The following ALDH9A1 variants were observed in gnomAD, a reference collection of about 807,000 sequenced individuals.
ALDH9A1 encodes aldehyde dehydrogenase 9 family member A1, also known as 4-trimethylaminobutyraldehyde dehydrogenase.
In ALDH9A1, 42 loss-of-function variants were observed where a neutral mutation model predicts 56.6. The ratio of observed to expected loss-of-function variants is 0.74; its 90% CI spans 0.58 to 0.96. The LOEUF (loss-of-function observed/expected upper bound fraction) is 0.96, where lower values mean the gene tolerates loss of function less well. ALDH9A1 is among the 40% of genes least tolerant of loss of function. ALDH9A1 has a pLI of 0.00. For missense variants in ALDH9A1, 661 were observed against 651.5 expected (o/e 1.01, Z -0.16); for synonymous variants, 242 against 236.0 (o/e 1.03, Z -0.23).
intron 2 of ALDH9A1, among the ~76,000 whole-genome samples, chr1:165,685,443 C>T (rs1262825691): frequency 6.6e-6 from 1 of 152,180 alleles, no homozygotes; most frequent in East Asian, 1.9e-4. Context: ...TCTCAAGATG[C>T]TTTTGCTAAT....
At chr1:165,692,560 A>G (rs1649927634) in intron 2 of ALDH9A1, among the ~76,000 whole-genome samples, 1 of 152,226 alleles carries the variant, frequency 6.6e-6, no homozygotes, top group Non-Finnish European at 1.5e-5. Context: ...CAATGAAATA[A>G]AAGAGGACAC....
At chr1:165,682,931 G>A (rs1474757979) in intron 3 of ALDH9A1, 50 bp downstream of exon 3, 1 of 1,593,486 alleles carries the variant, frequency 6.3e-7, no homozygotes, top group Non-Finnish European at 8.6e-7. Flanking sequence ...ACTAGGCCCT[G>A]CTCTTCTGCC....
intron 2 of ALDH9A1, among the ~76,000 whole-genome samples, chr1:165,688,881 A>G (rs1487035926): frequency 6.6e-6 from 1 of 152,232 alleles, no homozygotes; most frequent in Non-Finnish European, 1.5e-5. Context: ...TGATTAATAA[A>G]CACTTAATAA....
chr1:165,676,112 A>T (rs1474399304), intron 6 of ALDH9A1, among the ~76,000 whole-genome samples: 2 of 152,194 alleles, frequency 1.3e-5, no homozygotes, highest in East Asian at 3.8e-4. Context: ...AGACAGACAG[A>T]TACAGAACTA....
intron 2 of ALDH9A1, among the ~76,000 whole-genome samples, chr1:165,683,786 A>G (rs1169278792): frequency 6.6e-6 from 1 of 152,200 alleles, no homozygotes; most frequent in African/African-American, 2.4e-5. Context: ...AAGAAATTCA[A>G]TAGATGGTCC....
Position 165,698,373 on chromosome 1 carries a change from G to A in ALDH9A1, c.181+5C>T. 1.3e-6 allele frequency: 2 copies of A among 1,589,752 alleles called. No individual in the cohort carries two copies. The highest frequency in any genetic ancestry group is 1.4e-5 in the African/African-American group (1 of 73,036). On this transcript the variant is annotated splice_donor_5th_base_variant and intron_variant, in intron 1 of 10. Coordinates refer to ENST00000354775, the MANE Select transcript of ALDH9A1 (RefSeq NM_000696.4). The stretch of plus-strand genomic sequence containing the variant: ...GCCCCAGCCTCCCCGGCTCGTTGCA[G>A]TTACCGGTTGCTGGCTCGAAAGCTT...
At chr1:165,676,665 G>GA (rs796858159) in intron 6 of ALDH9A1, 45 of 392,942 alleles carry the variant, frequency 1.1e-4, no homozygotes, top group African/African-American at 8.7e-4. Flanking sequence ...AAGCCAAAGA[G>GA]AAAGGTACCT....
rs1649038755 is a variant in ALDH9A1, at chr1:165,667,346, C to G, written c.1312G>C (p.Asp438His). Residue 438 changes from aspartate (D) to histidine (H), a missense_variant, in exon 9 of 11, where the codon GAT becomes CAT. Transcript: ENST00000354775. ...TEAEVLERAN[D>H]TTFGLAAGVF... ...CCAGCTGCTAGTCCAAAAGTGGTAT[C>G]ATTGGCTCTTTCTAGAACCTCAGCT... 6.2e-7 allele frequency: 1 copy of G among 1,614,028 alleles called. No homozygotes were observed.
intron 5 of ALDH9A1, among the ~76,000 whole-genome samples, chr1:165,679,813 C>A (rs1346113453): frequency 6.6e-6 from 1 of 152,024 alleles, no homozygotes; most frequent in Non-Finnish European, 1.5e-5. Context: ...AAAATATTGT[C>A]CCAGCCTGGG....
At chr1:165,682,004 T>G (rs1414811727) in intron 4 of ALDH9A1, 103 bp downstream of exon 4, 1 of 1,476,086 alleles carries the variant, frequency 6.8e-7, no homozygotes, top group East Asian at 2.3e-5. Flanking sequence ...CCCCTTCCGA[T>G]TTAAAGTGTG....
chr1:165,674,617 C>T (rs1649289855), intron 6 of ALDH9A1, among the ~76,000 whole-genome samples: 1 of 142,272 alleles, frequency 7.0e-6, no homozygotes, highest in South Asian at 2.2e-4. Context: ...ACCCAGGAGG[C>T]GGAAGTTGCA....
intron 10 of ALDH9A1, 72 bp downstream of exon 10, chr1:165,664,946 C>G: frequency 8.3e-7 from 1 of 1,202,924 alleles, no homozygotes; most frequent in Non-Finnish European, 1.2e-6. Context: ...TTTAGGAATA[C>G]TGGTTTATAA....
chr1:165,669,231 C>T (rs769315843), intron 7 of ALDH9A1, 31 bp downstream of exon 7: 2 of 1,568,084 alleles, frequency 1.3e-6, no homozygotes, highest in South Asian at 2.4e-5. Flanking sequence ...TAATCTTCCC[C>T]AACCCCACCC....
At chr1:165,677,695 A>G (rs1558006476) in intron 6 of ALDH9A1, among the ~76,000 whole-genome samples, 1 of 151,978 alleles carries the variant, frequency 6.6e-6, no homozygotes, top group Non-Finnish European at 1.5e-5. Flanking sequence ...CATCTCTACT[A>G]AAAACACAAA....
Position 165,670,330 on chromosome 1 carries a change from G to A in ALDH9A1, c.931-880C>T, listed in dbSNP as rs755874753. 8.4e-4 allele frequency among the ~76,000 whole-genome samples: 128 copies of A among 152,084 alleles called. 1 individual carries two copies. Among genetic ancestry groups the A allele is most frequent in the Non-Finnish European group, 1.6e-3 (106 of 68,028 alleles). On this transcript the variant is annotated intron_variant, in intron 6 of 10. Transcript: ENST00000354775. The stretch of plus-strand genomic sequence containing the variant: ...CACCTGTAGTCCCAGCTACTTGGGA[G>A]GCTAAGGTGGGAGGGTCACTTGAGC...
chr1:165,671,631 A>T (rs1157592097), intron 6 of ALDH9A1: 2 of 483,516 alleles, frequency 4.1e-6, no homozygotes, highest in African/African-American at 4.0e-5. Flanking sequence ...ATTCTGATAG[A>T]GAGCCGGATT....
chr1:165,676,006 C>T (rs1649344395), intron 6 of ALDH9A1, among the ~76,000 whole-genome samples: 2 of 152,110 alleles, frequency 1.3e-5, no homozygotes, highest in South Asian at 4.1e-4. Context: ...TTCTTACTGT[C>T]AGAGAACAAA....
chr1:165,672,848 T>C (rs1038384151), intron 6 of ALDH9A1, among the ~76,000 whole-genome samples: 1 of 151,760 alleles, frequency 6.6e-6, no homozygotes, highest in Admixed American at 6.6e-5. Flanking sequence ...GAAGTGGGAA[T>C]ATCACTTGAG....
At position 165,665,121 on chromosome 1, in the gene ALDH9A1, T is replaced by C. The variant is rs368115741; in HGVS notation, c.1359A>G (p.Gln453=). The C allele has an allele frequency of 1.9e-4, 306 of 1,613,664 alleles. 1 individual carries two copies. Among genetic ancestry groups the C allele is most frequent in the East Asian group, 9.1e-4 (41 of 44,878 alleles). ...LAAGVFTRDI[Q]RAHRVVAELQ... ...GCTCAGCTACCACTCTATGAGCCCG[T>C]TGGATGTCCCTATGAAGAAAAAAAA... The change falls in exon 10 of 11, where the codon CAA becomes CAG. Residue 453 remains glutamine (Q), a synonymous_variant. Coordinates refer to ENST00000354775, the MANE Select transcript of ALDH9A1 (RefSeq NM_000696.4).
Sources: gnomAD v4.1 joint callset for allele counts (sites outside exome capture counted in the v4.1 genomes callset) on GRCh38, gnomAD v4.1.1 for gene constraint, MANE v1.5 for transcripts, NCBI Gene and HGNC (gene_info 2026-07-23, HGNC 2026-07-21) for gene names.